The following RGS6 variants were observed in gnomAD, a reference collection of about 807,000 sequenced individuals.
RGS6 encodes the protein regulator of G-protein signaling 6.
RGS6 carries 30 observed loss-of-function variants against 78.5 expected under a neutral mutation model. The observed-to-expected ratio is 0.38, with a 90% confidence interval of 0.29 to 0.52. RGS6 has a LOEUF of 0.52. RGS6 is among the 20% of genes least tolerant of loss of function. RGS6 has a pLI of 0.85. For missense variants in RGS6, 495 were observed against 609.7 expected, an observed-to-expected ratio of 0.81 and a Z score of 1.98; for synonymous variants, 206 against 206.0, an observed-to-expected ratio of 1.00 and a Z score of 0.00.
At chr14:72,282,717 T>G (rs1196997290) in intron 2 of RGS6, among the ~76,000 whole-genome samples, 3 of 152,228 alleles carry the variant, frequency 2.0e-5, no homozygotes, top group Non-Finnish European at 2.9e-5. Flanking sequence ...GGAATAAACA[T>G]GCCTGTCACC....
chr14:72,066,362 T>C (rs11158941), intron 2 of RGS6, among the ~76,000 whole-genome samples: 106,575 of 151,930 alleles, frequency 0.7, 37,532 homozygotes, highest in East Asian at 0.83. Flanking sequence ...CCTCTGTATG[T>C]TACTGCTTCA....
chr14:71,951,529 C>T (rs2092318588), intron 1 of RGS6, among the ~76,000 whole-genome samples: 1 of 152,104 alleles, frequency 6.6e-6, no homozygotes, highest in Non-Finnish European at 1.5e-5. Flanking sequence ...ATGTAACAAA[C>T]CTGCACGTCC....
At chr14:72,208,212 T>G (rs1448565974) in intron 2 of RGS6, among the ~76,000 whole-genome samples, 1 of 152,216 alleles carries the variant, frequency 6.6e-6, no homozygotes. Flanking sequence ...TCTCTAGGCA[T>G]GTGCATAATG....
At chr14:72,032,033 G>T (rs2090980465) in intron 2 of RGS6, among the ~76,000 whole-genome samples, 1 of 152,112 alleles carries the variant, frequency 6.6e-6, no homozygotes, top group Non-Finnish European at 1.5e-5. Context: ...TAAGTCTCCT[G>T]TTGTATAGTT....
chr14:72,116,264 C>G (rs139540649), intron 2 of RGS6, among the ~76,000 whole-genome samples: 217 of 152,246 alleles, frequency 1.4e-3, no homozygotes, highest in African/African-American at 5.1e-3. Flanking sequence ...GTTTAGCCAG[C>G]AAGTTAACCC....
intron 1 of RGS6, among the ~76,000 whole-genome samples, chr14:71,942,254 C>G (rs1025009305): frequency 2.0e-5 from 3 of 152,084 alleles, no homozygotes; most frequent in Non-Finnish European, 2.9e-5. Context: ...CTAGGAATAC[C>G]TGTTTGAGAT....
At chr14:72,200,513 G>T (rs1224267912) in intron 2 of RGS6, among the ~76,000 whole-genome samples, 1 of 152,224 alleles carries the variant, frequency 6.6e-6, no homozygotes, top group East Asian at 1.9e-4. Context: ...TGTATAGGAA[G>T]CTTTGCCTTC....
intron 2 of RGS6, among the ~76,000 whole-genome samples, chr14:72,047,305 G>C (rs1382025271): frequency 1.3e-5 from 2 of 152,210 alleles, no homozygotes; most frequent in South Asian, 2.1e-4. Context: ...GTTATTATTA[G>C]TGAGTACTTA....
chr14:72,182,519 T>C (rs2097187788), intron 2 of RGS6, among the ~76,000 whole-genome samples: 1 of 152,114 alleles, frequency 6.6e-6, no homozygotes, highest in African/African-American at 2.4e-5. Flanking sequence ...TTGCACTCCT[T>C]GCACTCCGTA....
intron 2 of RGS6, among the ~76,000 whole-genome samples, chr14:72,166,353 A>G (rs774735426): frequency 2.0e-5 from 3 of 152,218 alleles, no homozygotes; most frequent in Non-Finnish European, 4.4e-5. Context: ...TTATTTTTCC[A>G]AAATTAATCC....
At chr14:72,621,743 G>A in the RGS6 span, among the ~76,000 whole-genome samples, 8 of 152,292 alleles carry the variant, frequency 5.3e-5, 1 homozygote, top group South Asian at 1.0e-3. Flanking sequence ...TTACAATTGC[G>A]GCATGGAGAA....
At chr14:72,353,620 T>G (rs2079571586) in intron 3 of RGS6, among the ~76,000 whole-genome samples, 1 of 152,126 alleles carries the variant, frequency 6.6e-6, no homozygotes, top group Non-Finnish European at 1.5e-5. Flanking sequence ...GAGATGATGA[T>G]GATGAACAGA....
chr14:72,338,337 G>A (rs893180230), intron 2 of RGS6, among the ~76,000 whole-genome samples: 1 of 152,176 alleles, frequency 6.6e-6, no homozygotes, highest in Non-Finnish European at 1.5e-5. Context: ...CATGGTGGCA[G>A]GCAAGAGAAA....
intron 3 of RGS6, 73 bp from the exon 4 acceptor site, chr14:72,454,455 G>A: frequency 6.9e-7 from 1 of 1,455,310 alleles, no homozygotes; most frequent in Middle Eastern, 1.7e-4. Context: ...GATTCTCTTA[G>A]GTAAACATGT....
At chr14:72,289,828 T>A (rs1427477114) in intron 2 of RGS6, among the ~76,000 whole-genome samples, 1 of 152,204 alleles carries the variant, frequency 6.6e-6, no homozygotes, top group East Asian at 1.9e-4. Flanking sequence ...TATGACTTTA[T>A]AAACTAAGAA....
rs561371443 is a variant in RGS6, at chr14:72,291,788, G to A, written c.85-60307G>A. Among the ~76,000 whole-genome samples the A allele has an allele frequency of 3.7e-4, 56 of 152,164 alleles. No individual in the cohort carries two copies. The South Asian group carries it at 6.4e-3, about 18-fold the overall frequency. On this transcript the variant is annotated intron_variant, in intron 2 of 17. Coordinates refer to ENST00000553525, the MANE Select transcript of RGS6 (RefSeq NM_001204424.2). ...CAAATTTTTAAAAAAAGAAAGGGCC[G>A]AGCACGTCAGTATAGTTACCGAGCG...
At chr14:72,374,893 G>T (rs906849496) in intron 3 of RGS6, among the ~76,000 whole-genome samples, 11 of 152,162 alleles carry the variant, frequency 7.2e-5, no homozygotes, top group African/African-American at 2.4e-4. Flanking sequence ...GAGGATTAAG[G>T]ATTCTCAAAA....
intron 14 of RGS6, chr14:72,515,679 A>T (rs1220498546): frequency 6.6e-6 from 1 of 152,250 alleles, no homozygotes; most frequent in East Asian, 1.9e-4. Flanking sequence ...AAAATTGATT[A>T]TGAAATTTGT....
At chr14:71,968,266 T>C (rs1382856926) in intron 2 of RGS6, among the ~76,000 whole-genome samples, 1 of 152,078 alleles carries the variant, frequency 6.6e-6, no homozygotes, top group East Asian at 1.9e-4. Flanking sequence ...CTCCACAAGG[T>C]ATTTCTATTT....
Sources: allele counts gnomAD v4.1 joint callset (sites outside exome capture counted in the v4.1 genomes callset), GRCh38; gene constraint gnomAD v4.1.1; transcripts MANE v1.5; gene names NCBI Gene and HGNC (gene_info 2026-07-23, HGNC 2026-07-21).